The following TTC28 variants were observed in gnomAD, a reference collection of about 807,000 sequenced individuals.
The protein encoded by TTC28 is tetratricopeptide repeat domain 28, also known as tetratricopeptide repeat protein 28.
Under a neutral mutation model 198.0 loss-of-function variants are expected in TTC28, and 61 were observed. The observed-to-expected ratio is 0.31, with a 90% CI of 0.25 to 0.38. The LOEUF is 0.38. Among genes scored for constraint, TTC28 ranks in the 10% least tolerant of loss-of-function variants. TTC28 has a pLI of 1.00. For synonymous variants in TTC28, 1,171 were observed against 1,297.8 expected (o/e 0.90, Z 2.10); for missense variants, 2,678 against 3,164.0 (o/e 0.85, Z 3.69).
At chr22:28,487,601 C>T (rs367597190) in intron 2 of TTC28, among the ~76,000 whole-genome samples, 6 of 151,954 alleles carry the variant, frequency 3.9e-5, no homozygotes, top group Non-Finnish European at 7.4e-5. Context: ...TTATTCTTGC[C>T]GTGTCCATTT....
rs374476789 is a variant in TTC28 at position 28,108,259 on chromosome 22, A to G, written c.1586T>C (p.Met529Thr). Reference protein sequence around the residue: ...NMGNAYNALGMYDQAVKYHRQ... With the variant: ...NMGNAYNALGTYDQAVKYHRQ... ...ATGGTATTTGACCGCCTGGTCGTAC[A>G]TGCCCAGGGCATTGTAGGCATTGCC... The change falls in exon 7 of 23, where the codon ATG becomes ACG. Residue 529 changes from methionine to threonine, a missense_variant. By Grantham distance (81) the Met-to-Thr change is moderately conservative. Transcript: ENST00000397906. 19 of 1,550,462 alleles carry G rather than the reference A, an allele frequency of 1.2e-5. No homozygotes were observed. In the East Asian group the frequency reaches 2.0e-4, roughly 16 times the overall value.
Position 28,152,378 on chromosome 22 carries a change from C to T in TTC28, c.1441+10714G>A, listed in dbSNP as rs115098300. Among the ~76,000 whole-genome samples, 142 of 152,168 alleles carry T rather than the reference C, an allele frequency of 9.3e-4. 1 individual carries two copies. The highest frequency in any genetic ancestry group is 3.3e-3 in the African/African-American group (135 of 41,506). On this transcript the variant is annotated intron_variant, in intron 6 of 22. Coordinates refer to ENST00000397906, the MANE Select transcript of TTC28 (RefSeq NM_001145418.2). ...AAGAAGGGAGAAGGAGCGTCTTTGGCCTTTAGCCCTAGCCCAGGTAATCCT... is the reference window on the plus strand; with the variant it reads ...AAGAAGGGAGAAGGAGCGTCTTTGGTCTTTAGCCCTAGCCCAGGTAATCCT...
At chr22:28,625,987 T>C (rs918277426) in intron 2 of TTC28, among the ~76,000 whole-genome samples, 14 of 152,130 alleles carry the variant, frequency 9.2e-5, no homozygotes, top group African/African-American at 3.4e-4. Context: ...TATCATTATC[T>C]GGAAAAAAAT....
chr22:28,558,089 C>G (rs930372202), intron 2 of TTC28, among the ~76,000 whole-genome samples: 12 of 152,098 alleles, frequency 7.9e-5, no homozygotes, highest in African/African-American at 2.7e-4. Flanking sequence ...TTCTACAAGT[C>G]CAGCAATGCA....
chr22:28,623,921 CTCA>C (rs1351754797), intron 2 of TTC28, among the ~76,000 whole-genome samples: 6 of 151,458 alleles, frequency 4.0e-5, no homozygotes, highest in Admixed American at 3.9e-4. Flanking sequence ...GCTATAAATG[CTCA>C]TATTTTAAAA....
intron 2 of TTC28, among the ~76,000 whole-genome samples, chr22:28,461,021 C>T (rs1377572516): frequency 1.3e-5 from 2 of 152,182 alleles, no homozygotes; most frequent in African/African-American, 2.4e-5. Context: ...CTACAAAATA[C>T]AATAACTTAA....
chr22:28,310,430 A>C (rs773743360), intron 2 of TTC28, among the ~76,000 whole-genome samples: 2 of 152,214 alleles, frequency 1.3e-5, no homozygotes, highest in Non-Finnish European at 2.9e-5. Flanking sequence ...AAAAACACTG[A>C]AAGGCTAAAT....
intron 6 of TTC28, among the ~76,000 whole-genome samples, chr22:28,135,016 T>C (rs191193427): frequency 6.6e-6 from 1 of 152,358 alleles, no homozygotes; most frequent in East Asian, 1.9e-4. Flanking sequence ...TGGCTGTCTT[T>C]TCTCATTAAA....
intron 2 of TTC28, among the ~76,000 whole-genome samples, chr22:28,361,957 C>A (rs896045841): frequency 6.6e-6 from 1 of 152,192 alleles, no homozygotes; most frequent in Admixed American, 6.5e-5. Flanking sequence ...ACTATTGAGA[C>A]CCTACTGATC....
chr22:28,119,209 T>C (rs1375277109), intron 6 of TTC28, among the ~76,000 whole-genome samples: 5 of 152,216 alleles, frequency 3.3e-5, no homozygotes, highest in Non-Finnish European at 7.3e-5. Context: ...TATTAATACT[T>C]CTTCTGGCCT....
At chr22:28,261,025 T>C (rs134196) in intron 5 of TTC28, among the ~76,000 whole-genome samples, 108,001 of 152,012 alleles carry the variant, frequency 0.71, 38,589 homozygotes, top group South Asian at 0.81. Flanking sequence ...TCCTACTCTG[T>C]TTGTGCCTCT....
At chr22:28,119,363 T>C (rs1942724222) in intron 6 of TTC28, among the ~76,000 whole-genome samples, 1 of 152,224 alleles carries the variant, frequency 6.6e-6, no homozygotes, top group South Asian at 2.1e-4. Context: ...CCCTCTAGCA[T>C]TATTTAGCTA....
chr22:28,568,947 C>T (rs184412644), intron 2 of TTC28, among the ~76,000 whole-genome samples: 1 of 152,044 alleles, frequency 6.6e-6, no homozygotes, highest in Admixed American at 6.6e-5. Flanking sequence ...AGGAGTTCGA[C>T]ACCAGCCTTG....
At chr22:28,246,917 C>T (rs751259287) in intron 5 of TTC28, among the ~76,000 whole-genome samples, 5 of 152,094 alleles carry the variant, frequency 3.3e-5, no homozygotes, top group South Asian at 2.1e-4. Flanking sequence ...AAGATCTATA[C>T]ACCCCAACAC....
intron 1 of TTC28, among the ~76,000 whole-genome samples, chr22:28,655,297 T>G (rs959792442): frequency 6.6e-6 from 1 of 152,194 alleles, no homozygotes; most frequent in African/African-American, 2.4e-5. Flanking sequence ...TCCTAAATCT[T>G]TCCATGTATT....
Position 28,235,772 on chromosome 22 carries a change from C to T in TTC28, c.933+60426G>A, listed in dbSNP as rs1348739053. Among the ~76,000 whole-genome samples, 25 of 152,200 alleles carry T rather than the reference C, an allele frequency of 1.6e-4. 1 individual carries two copies. Among genetic ancestry groups the T allele is most frequent in the Admixed American group, 1.6e-3 (25 of 15,286 alleles). ...TTAGATCCATACCTCCTACTATACA[C>T]AAGGATAAACTCCAAATGGATCATA... On this transcript the variant is annotated intron_variant, in intron 5 of 22. Transcript: ENST00000397906.
intron 2 of TTC28, among the ~76,000 whole-genome samples, chr22:28,520,191 G>A (rs1426799406): frequency 6.6e-6 from 1 of 152,070 alleles, no homozygotes. Flanking sequence ...GAAGGCAATA[G>A]TCTTTCCTAA....
chr22:28,218,583 C>A (rs1485977746), intron 5 of TTC28, among the ~76,000 whole-genome samples: 7 of 151,882 alleles, frequency 4.6e-5, no homozygotes, highest in Non-Finnish European at 7.4e-5. Flanking sequence ...AAAAAAAGTT[C>A]TATAAAAAAA....
chr22:28,492,132 G>A (rs1162362271), intron 2 of TTC28, among the ~76,000 whole-genome samples: 1 of 151,870 alleles, frequency 6.6e-6, no homozygotes, highest in African/African-American at 2.4e-5. Context: ...GAGCGGGGAG[G>A]GATAGCATTA....
Sources: gnomAD v4.1 joint callset for allele counts (sites outside exome capture counted in the v4.1 genomes callset) on GRCh38, gnomAD v4.1.1 for gene constraint, MANE v1.5 for transcripts, NCBI Gene and HGNC (gene_info 2026-07-23, HGNC 2026-07-21) for gene names.